The following SLC27A1 variants were observed in gnomAD, a reference collection of about 807,000 sequenced individuals.
SLC27A1 encodes long-chain fatty acid transport protein 1.
Under a neutral mutation model 62.2 loss-of-function variants are expected in SLC27A1, and 61 were observed. The ratio of observed to expected loss-of-function variants is 0.98; its 90% CI spans 0.80 to 1.21. The LOEUF (loss-of-function observed/expected upper bound fraction) is 1.21, where lower values mean the gene tolerates loss of function less well. Among genes scored for constraint, SLC27A1 ranks in the 50% most tolerant of loss-of-function variants. SLC27A1 has a pLI of 0.00. For synonymous variants in SLC27A1, 435 were observed against 408.6 expected, an observed-to-expected ratio of 1.06 and a Z score of -0.78; for missense variants, 903 against 932.1, an observed-to-expected ratio of 0.97 and a Z score of 0.41.
intron 6 of SLC27A1, among the ~76,000 whole-genome samples, chr19:17,493,732 C>T (rs2075319537): frequency 6.6e-6 from 1 of 151,430 alleles, no homozygotes; most frequent in Admixed American, 6.6e-5. Flanking sequence ...TCAAGTGATT[C>T]CCCTCCCTCA....
At chr19:17,487,568 AGT>A in intron 4 of SLC27A1, 39 bp downstream of exon 4, 1 of 1,595,264 alleles carries the variant, frequency 6.3e-7, no homozygotes. Context: ...AGCCGCTGAG[AGT>A]GACCCAGGCT....
chr19:17,501,531 C>A, intron 11 of SLC27A1, 112 bp downstream of exon 11: 11 of 1,415,294 alleles, frequency 7.8e-6, no homozygotes, highest in South Asian at 1.3e-5. Context: ...GGGCCAGGCA[C>A]GGTGGCTCAC....
At chr19:17,493,617 C>T (rs1282912526) in intron 6 of SLC27A1, among the ~76,000 whole-genome samples, 1 of 151,106 alleles carries the variant, frequency 6.6e-6, no homozygotes, top group Non-Finnish European at 1.5e-5. Context: ...AGGCTATAAT[C>T]TAGAACCTTA....
rs1599674071 is a variant in SLC27A1, at chr19:17,500,613, C to T, written c.1452C>T (p.Gly484=). The T allele has an allele frequency of 5.0e-6, 8 of 1,613,730 alleles. No homozygotes were observed. The highest frequency in any genetic ancestry group is 2.2e-5 in the South Asian group (2 of 91,070). ...KKIAHSVFSK[G]DSAYLSGDVL... is the part of the protein sequence containing the mutation. ...TCGCCCACAGCGTCTTCAGCAAGGGCGACAGCGCCTACCTCTCAGGTGCGC... is the reference window on the plus strand; with the variant it reads ...TCGCCCACAGCGTCTTCAGCAAGGGTGACAGCGCCTACCTCTCAGGTGCGC... The change falls in exon 9 of 12, where the codon GGC becomes GGT. Residue 484 remains glycine (G), a synonymous_variant. Transcript: ENST00000252595.
chr19:17,478,715 G>C (rs1386224245), intron 1 of SLC27A1, among the ~76,000 whole-genome samples: 1 of 151,986 alleles, frequency 6.6e-6, no homozygotes, highest in African/African-American at 2.4e-5. Flanking sequence ...AAATTAGCCA[G>C]GTGTGGTGGT....
In SLC27A1 at chr19:17,500,424, G is replaced by T. The variant is rs1454475289; in HGVS notation, c.1333+20G>T. On this transcript the variant is annotated intron_variant, in intron 8 of 11. Coordinates refer to ENST00000252595, the MANE Select transcript of SLC27A1 (RefSeq NM_198580.3). Reference sequence around the variant, plus strand: ...AGGCCGGTGAGCAGGGCCCCCGCATGGTCCCCACCCGGAGCAGGGGTCCCC... The same window carrying T: ...AGGCCGGTGAGCAGGGCCCCCGCATTGTCCCCACCCGGAGCAGGGGTCCCC... 2 of 1,613,284 alleles carry T rather than the reference G, an allele frequency of 1.2e-6. No individual in the cohort carries two copies. Among genetic ancestry groups the T allele is most frequent in the Non-Finnish European group, 1.7e-6 (2 of 1,179,586 alleles).
In SLC27A1 at chr19:17,487,330, T is replaced by C; in HGVS notation, c.719T>C (p.Met240Thr). 1 of 1,609,840 alleles carries C rather than the reference T, an allele frequency of 6.2e-7. No individual in the cohort carries two copies. Among genetic ancestry groups the C allele is most frequent in the Non-Finnish European group, 8.5e-7 (1 of 1,178,436 alleles). Reference sequence around the variant, plus strand: ...TTGGCACAGATCCCCAGCAAGGGCATGGACGGTGAGTCAAGGGTGGGACCC... The same window carrying C: ...TTGGCACAGATCCCCAGCAAGGGCACGGACGGTGAGTCAAGGGTGGGACCC... ...APLAQIPSKG[M>T]DDRLFYIYTS... is the part of the protein sequence containing the mutation. Residue 240 changes from methionine (M) to threonine (T), a missense_variant, in exon 3 of 12, where the codon ATG (methionine) becomes ACG (threonine). By Grantham distance (81) the Met-to-Thr change is moderately conservative. Coordinates refer to ENST00000252595, the MANE Select transcript of SLC27A1 (RefSeq NM_198580.3).
intron 6 of SLC27A1, chr19:17,496,121 C>G (rs2075347014): frequency 6.6e-6 from 1 of 152,326 alleles, no homozygotes; most frequent in African/African-American, 2.4e-5. Context: ...CGGGAAGCCC[C>G]GAGCACATTT....
intron 6 of SLC27A1, among the ~76,000 whole-genome samples, chr19:17,493,212 TCA>T (rs1482534626): frequency 6.6e-6 from 1 of 151,128 alleles, no homozygotes; most frequent in Non-Finnish European, 1.5e-5. Context: ...GGCAGGTGGA[TCA>T]CCTCAGGTCA....
chr19:17,497,267 A>C lies in SLC27A1; in HGVS notation c.1009A>C (p.Ile337Leu), dbSNP rs765698229. ...CCCCGTCCCCCAGGTGGTTCAGTAC[A>C]TCGGGGAGATCTGCCGCTACCTGCT... The part of the protein sequence containing the change: ...IKYNCTVVQY[I>L]GEICRYLLKQ... Residue 337 changes from isoleucine (I) to leucine (L), a missense_variant, in exon 7 of 12, where the codon ATC (isoleucine) becomes CTC (leucine). Transcript: ENST00000252595. The C allele has an allele frequency of 2.5e-6, 4 of 1,603,550 alleles. No homozygotes were observed. Among genetic ancestry groups the C allele is most frequent in the Admixed American group, 1.8e-5 (1 of 56,730 alleles).
At chr19:17,497,069 G>A in intron 6 of SLC27A1, 186 bp from the exon 7 acceptor site, 1 of 540,040 alleles carries the variant, frequency 1.9e-6, no homozygotes, top group Non-Finnish European at 3.2e-6. Context: ...GCAAGAGACT[G>A]AACGAGTCCT....
chr19:17,488,902 C>A lies in SLC27A1; in HGVS notation c.849C>A (p.Asp283Glu). 5 of 1,614,112 alleles carry A rather than the reference C, an allele frequency of 3.1e-6. No individual in the cohort carries two copies. The highest frequency in any genetic ancestry group is 4.2e-6 in the Non-Finnish European group (5 of 1,180,014). Reference protein sequence around the residue: ...GHHAYRMQAADVLYDCLPLYH... With the variant: ...GHHAYRMQAAEVLYDCLPLYH... ...ACGCCTACCGCATGCAGGCGGCTGA[C>A]GTGCTCTATGACTGCCTGCCCCTGT... Residue 283 changes from aspartate to glutamate, a missense_variant, in exon 5 of 12, where the codon GAC becomes GAA. Physicochemically the swap from Asp to Glu is conservative, Grantham distance 45. Transcript: ENST00000252595.
At chr19:17,489,153 C>T (rs1381270422) in intron 6 of SLC27A1, 36 bp downstream of exon 6, 3 of 1,571,690 alleles carry the variant, frequency 1.9e-6, no homozygotes, top group Non-Finnish European at 2.6e-6. Flanking sequence ...GACCCCGCCC[C>T]TCCCAGCCAG....
Position 17,500,773 on chromosome 19 carries a change from C to T in SLC27A1, c.1533C>T (p.Thr511=), listed in dbSNP as rs2075402904. The T allele has an allele frequency of 6.2e-7, 1 of 1,613,320 alleles. No homozygotes were observed. The highest frequency in any genetic ancestry group is 2.2e-5 in the East Asian group (1 of 44,874). The change falls in exon 10 of 12, where the codon ACC becomes ACT. Residue 511 remains threonine (T), a synonymous_variant. Transcript: ENST00000252595. ...YMYFRDRSGD[T]FRWRGENVST... is the part of the protein sequence containing the mutation. ...ACTTCCGGGACCGTAGCGGGGACAC[C>T]TTCCGCTGGCGAGGGGAGAACGTCT...
chr19:17,479,671 G>A (rs1217082277), intron 1 of SLC27A1, among the ~76,000 whole-genome samples: 1 of 151,922 alleles, frequency 6.6e-6, no homozygotes, highest in African/African-American at 2.4e-5. Flanking sequence ...TTTAAGATGA[G>A]TCTTGCTCTG....
intron 6 of SLC27A1, 36 bp from the exon 7 acceptor site, chr19:17,497,219 C>G: frequency 1.9e-6 from 3 of 1,551,314 alleles, no homozygotes; most frequent in Non-Finnish European, 2.6e-6. Context: ...CACCGCCTGC[C>G]GGTCCCATCA....
upstream of SLC27A1, chr19:17,470,517 C>T (rs377043448): frequency 5.5e-5 from 84 of 1,526,504 alleles, 1 homozygote; most frequent in African/African-American, 9.0e-4. Flanking sequence ...GGCCCGCGGC[C>T]TCAGCTCTCT....
chr19:17,473,218 C>T (rs1440925910), intron 1 of SLC27A1, among the ~76,000 whole-genome samples: 3 of 152,182 alleles, frequency 2.0e-5, no homozygotes, highest in Non-Finnish European at 4.4e-5. Flanking sequence ...CCGCGCCCAG[C>T]GTGAACTGCT....
In SLC27A1 at chr19:17,493,798, G is replaced by A. The variant is rs138412883; in HGVS notation, c.997-3457G>A. Among the ~76,000 whole-genome samples the A allele has an allele frequency of 2.2e-3, 336 of 151,414 alleles. 4 individuals carry two copies. The highest frequency in any genetic ancestry group is 7.8e-3 in the African/African-American group (322 of 41,328). On this transcript the variant is annotated intron_variant, in intron 6 of 11. Coordinates refer to ENST00000252595, the MANE Select transcript of SLC27A1 (RefSeq NM_198580.3). The stretch of plus-strand genomic sequence containing the variant: ...TACCACCAAGCCTAGCTAATTTTTT[G>A]TATTTTTAGTAGAGACGGGGTTTCA...
Sources: gnomAD v4.1 joint callset for allele counts (sites outside exome capture counted in the v4.1 genomes callset) on GRCh38, gnomAD v4.1.1 for gene constraint, MANE v1.5 for transcripts, NCBI Gene and HGNC (gene_info 2026-07-23, HGNC 2026-07-21) for gene names.